Variants in TRMT11 observed in about 807,000 individuals in gnomAD.
TRMT11 encodes tRNA methyltransferase 11.
Under a neutral mutation model 62.8 loss-of-function variants are expected in TRMT11, and 53 were observed. The ratio of observed to expected loss-of-function variants is 0.84; its 90% confidence interval spans 0.68 to 1.06. TRMT11 has a LOEUF of 1.06. Ranked by LOEUF, TRMT11 falls within the 50% of genes least tolerant of loss-of-function variation. The probability of loss-of-function intolerance (pLI) is 0.00; values close to 1 mark genes in which losing one functional copy is unlikely to be tolerated. For synonymous variants in TRMT11, 188 were observed against 190.3 expected (o/e 0.99, Z 0.10); for missense variants, 556 against 553.4 (o/e 1.00, Z -0.05).
chr6:126,146,252 G>A (rs1777973386), intron 21 of TRMT11, among the ~76,000 whole-genome samples: 1 of 152,126 alleles, frequency 6.6e-6, no homozygotes, highest in African/African-American at 2.4e-5. Flanking sequence ...TCATAATCCA[G>A]TATTTGGAAA....
At chr6:126,224,751 A>G in the TRMT11 span, among the ~76,000 whole-genome samples, 1 of 152,206 alleles carries the variant, frequency 6.6e-6, no homozygotes, top group Non-Finnish European at 1.5e-5. Flanking sequence ...GACAGGTTAC[A>G]TGCACTGTTG....
chr6:126,083,956 T>C (rs889217584), intron 17 of TRMT11, among the ~76,000 whole-genome samples: 9 of 152,176 alleles, frequency 5.9e-5, no homozygotes, highest in Non-Finnish European at 1.2e-4. Flanking sequence ...TATTCCATTG[T>C]ATATATGCAC....
At chr6:125,992,726 T>G (rs550974274) in intron 1 of TRMT11, among the ~76,000 whole-genome samples, 22 of 152,352 alleles carry the variant, frequency 1.4e-4, no homozygotes, top group African/African-American at 5.1e-4. Flanking sequence ...CTATTTAATT[T>G]CTAAGTCTCA....
chr6:126,268,819 TA>T, the TRMT11 span, among the ~76,000 whole-genome samples: 2 of 152,008 alleles, frequency 1.3e-5, no homozygotes, highest in African/African-American at 4.8e-5. Flanking sequence ...GATGTATAGG[TA>T]AAAAAATACA....
At chr6:126,230,306 T>G in the TRMT11 span, among the ~76,000 whole-genome samples, 1 of 152,224 alleles carries the variant, frequency 6.6e-6, no homozygotes, top group South Asian at 2.1e-4. Flanking sequence ...ATCCCCTGTA[T>G]GCCTGTGTTC....
chr6:126,064,495 A>C (rs1231615255), intron 17 of TRMT11, among the ~76,000 whole-genome samples: 1 of 152,154 alleles, frequency 6.6e-6, no homozygotes, highest in Non-Finnish European at 1.5e-5. Context: ...ATTAGATCAC[A>C]TTTCCTGACT....
intron 21 of TRMT11, among the ~76,000 whole-genome samples, chr6:126,137,614 T>A (rs1777867046): frequency 6.6e-6 from 1 of 151,874 alleles, no homozygotes; most frequent in African/African-American, 2.4e-5. Flanking sequence ...ATTCCATTGC[T>A]GGGTATATGT....
At chr6:126,069,117 C>G (rs996603437) in intron 17 of TRMT11, among the ~76,000 whole-genome samples, 5 of 152,258 alleles carry the variant, frequency 3.3e-5, no homozygotes, top group African/African-American at 1.2e-4. Flanking sequence ...ACAGAAGATG[C>G]TCAGTAAATA....
the TRMT11 span, among the ~76,000 whole-genome samples, chr6:126,221,538 T>C: frequency 3.3e-5 from 5 of 152,340 alleles, no homozygotes; most frequent in East Asian, 9.6e-4. Flanking sequence ...TGTATGTTTG[T>C]TGGATGTGTA....
chr6:126,059,388 A>G (rs984999082), intron 17 of TRMT11, among the ~76,000 whole-genome samples: 1 of 152,150 alleles, frequency 6.6e-6, no homozygotes, highest in Non-Finnish European at 1.5e-5. Flanking sequence ...CTCTCCTGAT[A>G]TACTTTGGAC....
chr6:126,010,682 T>A (rs940479698), intron 8 of TRMT11, among the ~76,000 whole-genome samples: 1 of 152,118 alleles, frequency 6.6e-6, no homozygotes, highest in African/African-American at 2.4e-5. Context: ...TAATCTTTTT[T>A]CTTAAGCTTG....
At chr6:126,225,013 G>C in the TRMT11 span, among the ~76,000 whole-genome samples, 1 of 152,276 alleles carries the variant, frequency 6.6e-6, no homozygotes, top group East Asian at 1.9e-4. Flanking sequence ...GGGAGCCTGA[G>C]AGAGGCTGAC....
chr6:126,170,472 G>A (rs558382672), intron 21 of TRMT11, among the ~76,000 whole-genome samples: 3 of 152,244 alleles, frequency 2.0e-5, no homozygotes, highest in South Asian at 4.2e-4. Context: ...CCAAGACAGA[G>A]GTCATTATGT....
chr6:126,168,616 T>G (rs970970803), intron 21 of TRMT11, among the ~76,000 whole-genome samples: 8 of 152,214 alleles, frequency 5.3e-5, no homozygotes, highest in Non-Finnish European at 8.8e-5. Flanking sequence ...CCTCCTGGGT[T>G]CAAGCGATTC....
chr6:125,990,900 T>A (rs1415290078), intron 1 of TRMT11, among the ~76,000 whole-genome samples: 1 of 152,102 alleles, frequency 6.6e-6, no homozygotes, highest in Non-Finnish European at 1.5e-5. Context: ...CTAAGATAAA[T>A]GTGTGTGTAT....
At chr6:126,238,269 C>T in the TRMT11 span, among the ~76,000 whole-genome samples, 1 of 152,236 alleles carries the variant, frequency 6.6e-6, no homozygotes, top group South Asian at 2.1e-4. Context: ...AATGTGTTTG[C>T]TCTTGCTTCT....
At chr6:125,999,387 CTTA>C (rs1239639921) in intron 6 of TRMT11, 67 bp from the exon 7 acceptor site, 8 of 1,246,978 alleles carry the variant, frequency 6.4e-6, no homozygotes, top group Non-Finnish European at 7.6e-6. Flanking sequence ...ATACAATGGT[CTTA>C]TTGTGAGTGA....
chr6:126,237,065 T>TAGAGAG, the TRMT11 span, among the ~76,000 whole-genome samples: 156 of 142,568 alleles, frequency 1.1e-3, no homozygotes, highest in East Asian at 4.7e-3. Flanking sequence ...CTCCTAGAGA[T>TAGAGAG]AGAGAGAGAG....
At chr6:126,247,475 A>ATCTATCTATCTG in the TRMT11 span, among the ~76,000 whole-genome samples, 14,673 of 147,566 alleles carry the variant, frequency 0.099, 1,322 homozygotes, top group East Asian at 0.37. Context: ...CTATCTATCT[A>ATCTATCTATCTG]TCTATCTATC....
Sources: gnomAD v4.1 joint callset for allele counts (sites outside exome capture counted in the v4.1 genomes callset) on GRCh38, gnomAD v4.1.1 for gene constraint, MANE v1.5 for transcripts, NCBI Gene and HGNC (gene_info 2026-07-23, HGNC 2026-07-21) for gene names.